The following GNB2 variants were observed in gnomAD, a reference collection of about 807,000 sequenced individuals.
The protein encoded by GNB2 is guanine nucleotide-binding protein G(I)/G(S)/G(T) subunit beta-2.
GNB2 carries 7 observed loss-of-function variants against 40.7 expected under a neutral mutation model. That is an observed-to-expected ratio of 0.17 (90% CI 0.10 to 0.32). The LOEUF (loss-of-function observed/expected upper bound fraction) is 0.32, where lower values mean the gene tolerates loss of function less well. Among genes scored for constraint, GNB2 ranks in the 10% least tolerant of loss-of-function variants. The probability of loss-of-function intolerance (pLI) is 1.00; values close to 1 mark genes in which losing one functional copy is unlikely to be tolerated. For synonymous variants in GNB2, 254 were observed against 191.2 expected (o/e 1.33, Z -2.71); for missense variants, 286 against 473.0 (o/e 0.60, Z 3.67).
Position 100,678,504 on chromosome 7 carries a change from T to C in GNB2, c.806T>C (p.Ile269Thr). 6.2e-7 allele frequency: 1 copy of C among 1,613,872 alleles called. No homozygotes were observed. Among genetic ancestry groups the C allele is most frequent in the Non-Finnish European group, 8.5e-7 (1 of 1,179,956 alleles). ...QELLMYSHDN[I>T]ICGITSVAFS... The stretch of plus-strand genomic sequence containing the variant: ...CTCCTCATGTACTCCCATGACAACA[T>C]CATCTGTGGCATCACCTCTGTTGCC... Residue 269 changes from isoleucine (I) to threonine (T), a missense_variant, in exon 9 of 10, where the codon ATC becomes ACC. Ile to Thr is a moderately conservative substitution (Grantham distance 89). Coordinates refer to ENST00000303210, the MANE Select transcript of GNB2 (RefSeq NM_005273.4).
rs751656001 is a variant in GNB2 at position 100,679,126 on chromosome 7, T to C, written c.*325T>C. On this transcript the variant is annotated 3_prime_UTR_variant, in exon 10 of 10. Coordinates refer to ENST00000303210, the MANE Select transcript of GNB2 (RefSeq NM_005273.4). ...AAACTGGTTTTATTTTAATTTTTAT[T>C]ATATTTTCAGTTTTTCCATAAAGGA... is the stretch of plus-strand genomic sequence containing the variant. 11 of 282,432 alleles carry C rather than the reference T, an allele frequency of 3.9e-5. No individual in the cohort carries two copies. Among genetic ancestry groups the C allele is most frequent in the African/African-American group, 6.6e-5 (3 of 45,598 alleles). 17.5% of individuals were successfully genotyped at this position (282,432 alleles called of 1,614,324 possible). A position where few individuals can be genotyped will look rare whatever the true frequency, so the allele number is the denominator to read the frequency against.
rs765970588 is a variant in GNB2, at chr7:100,678,655, G to GC, written c.917-37dup. 4 of 1,604,294 alleles carry GC rather than the reference G, an allele frequency of 2.5e-6. No individual in the cohort carries two copies. The South Asian group carries it at 4.4e-5, about 18-fold the overall frequency. On this transcript the variant is annotated intron_variant, in intron 9 of 9. Coordinates refer to ENST00000303210, the MANE Select transcript of GNB2 (RefSeq NM_005273.4). ...CAGGCTGGGTGGGCAGGGACCTGGAGCCCAGGCCCAATGGGTTCTGACTTC... is the reference window on the plus strand; with the variant it reads ...CAGGCTGGGTGGGCAGGGACCTGGAGCCCCAGGCCCAATGGGTTCTGACTTC...
chr7:100,677,825 C>T lies in GNB2; in HGVS notation c.497+7C>T, dbSNP rs1367025643. On this transcript the variant is annotated splice_region_variant and intron_variant, in intron 7 of 9. Transcript: ENST00000303210. Reference sequence around the variant, plus strand: ...GCTCTGGGGATACCACCTGGTGAGGCTCTGCCAGGGCTGGGCAGTCTGGGC... The same window carrying T: ...GCTCTGGGGATACCACCTGGTGAGGTTCTGCCAGGGCTGGGCAGTCTGGGC... The T allele has an allele frequency of 4.3e-6, 7 of 1,611,812 alleles. No homozygotes were observed. The highest frequency in any genetic ancestry group is 1.3e-5 in the African/African-American group (1 of 74,914).
chr7:100,676,144 C>T (rs944016988), intron 1 of GNB2, 33 bp from the exon 2 acceptor site: 21 of 584,844 alleles, frequency 3.6e-5, no homozygotes, highest in Admixed American at 6.8e-5. Context: ...TCCCCGGCGG[C>T]CTCGGGCCTG....
intron 4 of GNB2, 94 bp from the exon 5 acceptor site, chr7:100,677,258 C>CAG: frequency 1.0e-6 from 1 of 970,286 alleles, no homozygotes; most frequent in Non-Finnish European, 1.6e-6. Context: ...GCCTGCACAA[C>CAG]AGAGAGAGAC....
Position 100,678,939 on chromosome 7 carries a change from T to A in GNB2, c.*138T>A. ...TTGGGTCCCTGCCCTCCCACCCAGG[T>A]TTGGTTCCTCCCGGGGCCCCCACTG... On this transcript the variant is annotated 3_prime_UTR_variant, in exon 10 of 10. Coordinates refer to ENST00000303210, the MANE Select transcript of GNB2 (RefSeq NM_005273.4). 1 of 663,478 alleles carries A rather than the reference T, an allele frequency of 1.5e-6. No homozygotes were observed. The highest frequency in any genetic ancestry group is 2.6e-6 in the Non-Finnish European group (1 of 384,774). The allele number at this position is 663,478 out of a possible 1,614,324, so 41.1% of individuals were successfully genotyped here. A position where few individuals can be genotyped will look rare whatever the true frequency, so the allele number is the denominator to read the frequency against.
intron 2 of GNB2, 31 bp from the exon 3 acceptor site, chr7:100,676,498 TTCTCTC>T (rs767348257): frequency 7.0e-6 from 11 of 1,575,318 alleles, no homozygotes. Context: ...CCAACCTGTC[TTCTCTC>T]GCGTCTCTCT....
Position 100,676,336 on chromosome 7 carries a change from G to A in GNB2, c.57+14G>A, listed in dbSNP as rs780773779. ...AACCAGATCCGGGTGAGGGCCTGGT[G>A]CGGGGCGGGCGATTCATGTGTACAC... On this transcript the variant is annotated intron_variant, in intron 2 of 9. Transcript: ENST00000303210. The A allele has an allele frequency of 3.1e-6, 5 of 1,595,028 alleles. No homozygotes were observed. The Admixed American group carries it at 8.5e-5, about 27-fold the overall frequency.
intron 4 of GNB2, 34 bp downstream of exon 4, chr7:100,676,833 C>T (rs1398807095): frequency 3.1e-6 from 4 of 1,293,344 alleles, no homozygotes; most frequent in African/African-American, 3.0e-5. Context: ...CGCTGTGGGC[C>T]GACTTTCTAG....
intron 1 of GNB2, among the ~76,000 whole-genome samples, chr7:100,674,658 C>T (rs1414369814): frequency 6.6e-6 from 1 of 152,250 alleles, no homozygotes; most frequent in Non-Finnish European, 1.5e-5. Context: ...CCCGCCAGAC[C>T]TGCGGAGGCG....
intron 4 of GNB2, 136 bp from the exon 5 acceptor site, chr7:100,677,216 G>A (rs1436571295): frequency 1.5e-6 from 1 of 676,084 alleles, no homozygotes; most frequent in Non-Finnish European, 2.7e-6. Flanking sequence ...GTTCCAGGCT[G>A]CAGTGAGCTG....
chr7:100,678,168 C>G lies in GNB2; in HGVS notation c.568C>G (p.Leu190Val). 2.5e-6 allele frequency: 4 copies of G among 1,613,946 alleles called. No homozygotes were observed. Among genetic ancestry groups the G allele is most frequent in the Non-Finnish European group, 3.4e-6 (4 of 1,179,770 alleles). ...TGGACACAGTGGGGATGTGATGTCCCTGTCCCTGGCCCCCGATGGCCGCAC... is the reference window on the plus strand; with the variant it reads ...TGGACACAGTGGGGATGTGATGTCCGTGTCCCTGGCCCCCGATGGCCGCAC... Reference protein sequence around the residue: ...FAGHSGDVMSLSLAPDGRTFV... With the variant: ...FAGHSGDVMSVSLAPDGRTFV... The change falls in exon 8 of 10, where the codon CTG becomes GTG. Residue 190 changes from leucine to valine, a missense_variant. By Grantham distance (32) the Leu-to-Val change is conservative. Coordinates refer to ENST00000303210, the MANE Select transcript of GNB2 (RefSeq NM_005273.4).
intron 1 of GNB2, among the ~76,000 whole-genome samples, chr7:100,674,206 G>C (rs991374181): frequency 2.0e-4 from 31 of 152,014 alleles, no homozygotes; most frequent in Non-Finnish European, 3.7e-4. Context: ...TCGGAAGTTG[G>C]GGGGCTAAAT....
At position 100,676,638 on chromosome 7, in the gene GNB2, C is replaced by T. The variant is rs1312970626; in HGVS notation, c.97-55C>T. 3.2e-6 allele frequency: 5 copies of T among 1,540,486 alleles called. No individual in the cohort carries two copies. In the South Asian group the frequency reaches 3.3e-5, roughly 10 times the overall value. On this transcript the variant is annotated intron_variant, in intron 3 of 9. Transcript: ENST00000303210. ...AGGGGCAAGGATCAGAGGCCGCTGC[C>T]CTCTGCAGTCCTGCTGCCTGGGCCT...
rs1401389685 is a variant in GNB2 at position 100,678,449 on chromosome 7, C to T, written c.751C>T (p.Arg251Cys). Residue 251 changes from arginine to cysteine, a missense_variant, in exon 9 of 10, where the codon CGC becomes TGC. Coordinates refer to ENST00000303210, the MANE Select transcript of GNB2 (RefSeq NM_005273.4). ...FTTGSDDATCRLFDLRADQEL... is the reference protein window; with the variant it reads ...FTTGSDDATCCLFDLRADQEL... ...CACCGGCTCTGACGACGCCACGTGC[C>T]GCCTCTTCGACCTGCGGGCCGATCA... The T allele has an allele frequency of 3.7e-6, 6 of 1,613,654 alleles. No homozygotes were observed. The highest frequency in any genetic ancestry group is 1.1e-5 in the South Asian group (1 of 91,092).
chr7:100,676,841 T>A, intron 4 of GNB2, 42 bp downstream of exon 4: 1 of 1,168,464 alleles, frequency 8.6e-7, no homozygotes, highest in Non-Finnish European at 1.2e-6. Context: ...GCCGACTTTC[T>A]AGCAGGCCGT....
At chr7:100,678,013 G>A in intron 7 of GNB2, 85 bp from the exon 8 acceptor site, 1 of 1,207,528 alleles carries the variant, frequency 8.3e-7, no homozygotes, top group Non-Finnish European at 1.2e-6. Context: ...CCACAGGGTT[G>A]GGCTCACGTG....
chr7:100,678,659 A>C, intron 9 of GNB2, 36 bp from the exon 10 acceptor site: 1 of 1,607,090 alleles, frequency 6.2e-7, no homozygotes, highest in Non-Finnish European at 8.5e-7. Context: ...CCTGGAGCCC[A>C]GGCCCAATGG....
At chr7:100,678,325 G>A in intron 8 of GNB2, 26 bp downstream of exon 8, 2 of 1,607,040 alleles carry the variant, frequency 1.2e-6, no homozygotes, top group Non-Finnish European at 1.7e-6. Context: ...AGCTAGGCCA[G>A]GCCCTCCCCA....
Sources: gnomAD v4.1 joint callset for allele counts (sites outside exome capture counted in the v4.1 genomes callset) on GRCh38, gnomAD v4.1.1 for gene constraint, MANE v1.5 for transcripts, NCBI Gene and HGNC (gene_info 2026-07-23, HGNC 2026-07-21) for gene names.